NOS1AP: variants seen among roughly 807,000 people sequenced by gnomAD.
The protein encoded by NOS1AP is nitric oxide synthase 1 adaptor protein.
A neutral mutation model predicts 56.2 loss-of-function variants in NOS1AP; 21 were observed. That is an observed-to-expected ratio of 0.37 (90% CI 0.26 to 0.54). NOS1AP has a LOEUF of 0.54. Ranked by LOEUF, NOS1AP falls within the 20% of genes least tolerant of loss-of-function variation. NOS1AP has a pLI of 0.84. For synonymous variants in NOS1AP, 270 were observed against 274.6 expected, an observed-to-expected ratio of 0.98 and a Z score of 0.17; for missense variants, 522 against 657.8, an observed-to-expected ratio of 0.79 and a Z score of 2.26.
intron 2 of NOS1AP, among the ~76,000 whole-genome samples, chr1:162,224,751 C>A (rs1327731205): frequency 6.6e-6 from 1 of 152,154 alleles, no homozygotes; most frequent in Non-Finnish European, 1.5e-5. Context: ...TTAGAGAGGA[C>A]AAGTAGTGCC....
At chr1:162,121,780 A>G (rs1212808337) in intron 1 of NOS1AP, among the ~76,000 whole-genome samples, 1 of 152,196 alleles carries the variant, frequency 6.6e-6, no homozygotes, top group East Asian at 1.9e-4. Flanking sequence ...GGCTTCTCTA[A>G]TTATCTGGAT....
At chr1:162,077,484 A>T (rs999823125) in intron 1 of NOS1AP, among the ~76,000 whole-genome samples, 13 of 152,116 alleles carry the variant, frequency 8.5e-5, no homozygotes, top group African/African-American at 3.1e-4. Context: ...AGAGTTCTTT[A>T]TATATTCTGG....
intron 3 of NOS1AP, among the ~76,000 whole-genome samples, chr1:162,289,864 G>A (rs187745419): frequency 1.0e-3 from 156 of 152,262 alleles, no homozygotes; most frequent in Middle Eastern, 6.8e-3. Flanking sequence ...CTCTGTTGTT[G>A]TCCATCATGG....
At chr1:162,136,532 T>C (rs1649013255) in intron 1 of NOS1AP, among the ~76,000 whole-genome samples, 1 of 152,180 alleles carries the variant, frequency 6.6e-6, no homozygotes, top group Non-Finnish European at 1.5e-5. Flanking sequence ...GAAATGAGAA[T>C]GTAAAATTAG....
At chr1:162,274,405 T>C (rs1188647121) in intron 2 of NOS1AP, among the ~76,000 whole-genome samples, 2 of 152,204 alleles carry the variant, frequency 1.3e-5, no homozygotes, top group East Asian at 3.8e-4. Context: ...GCAGTTTATA[T>C]AGCACCCTCA....
chr1:162,101,585 T>G (rs1235682978), intron 1 of NOS1AP, among the ~76,000 whole-genome samples: 3 of 152,232 alleles, frequency 2.0e-5, no homozygotes, highest in Non-Finnish European at 4.4e-5. Context: ...TGGAATGTTT[T>G]TCCATTTGTT....
intron 1 of NOS1AP, among the ~76,000 whole-genome samples, chr1:162,087,735 T>C (rs1028546642): frequency 1.3e-5 from 2 of 152,274 alleles, no homozygotes; most frequent in Admixed American, 6.5e-5. Flanking sequence ...TTAATGCCCA[T>C]GTACTGGTTG....
intron 2 of NOS1AP, among the ~76,000 whole-genome samples, chr1:162,281,846 C>T (rs1005889222): frequency 5.3e-5 from 8 of 152,148 alleles, no homozygotes; most frequent in African/African-American, 1.7e-4. Context: ...TTAGGCCGGG[C>T]GCGGTGGCTC....
intron 1 of NOS1AP, among the ~76,000 whole-genome samples, chr1:162,148,071 C>T (rs952415670): frequency 6.6e-6 from 1 of 152,098 alleles, no homozygotes; most frequent in African/African-American, 2.4e-5. Context: ...TGGCTTAGGT[C>T]CAATTGAAGT....
In NOS1AP at chr1:162,083,433, G is replaced by T. The variant is rs183798023; in HGVS notation, c.105+13151G>T. Among the ~76,000 whole-genome samples the T allele has an allele frequency of 5.3e-5, 8 of 152,176 alleles. No individual in the cohort carries two copies. In the East Asian group the frequency reaches 1.5e-3, roughly 29 times the overall value. On this transcript the variant is annotated intron_variant, in intron 1 of 9. Transcript: ENST00000361897. ...GGCAATTTTTTTATTTGGAGACAGG[G>T]TCTCACTATATTGCCCAGTCTGGTC...
At chr1:162,283,933 C>T (rs1655012967) in intron 2 of NOS1AP, among the ~76,000 whole-genome samples, 1 of 152,198 alleles carries the variant, frequency 6.6e-6, no homozygotes, top group Admixed American at 6.5e-5. Flanking sequence ...CTGGTCTGAG[C>T]CACAGACGGT....
chr1:162,153,961 G>A lies in NOS1AP; in HGVS notation c.106-444G>A, dbSNP rs72715962. ...AGTGAAATTCCATTAGTTAAAAAAGGTATATATTCTTTTTTTTTTTTTTTT... is the reference window on the plus strand; with the variant it reads ...AGTGAAATTCCATTAGTTAAAAAAGATATATATTCTTTTTTTTTTTTTTTT... On this transcript the variant is annotated intron_variant, in intron 1 of 9. Coordinates refer to ENST00000361897, the MANE Select transcript of NOS1AP (RefSeq NM_014697.3). Among the ~76,000 whole-genome samples, 1,264 of 150,256 alleles carry A rather than the reference G, an allele frequency of 8.4e-3. 8 individuals are homozygous for A. Among genetic ancestry groups the A allele is most frequent in the South Asian group, 0.022 (107 of 4,774 alleles).
At chr1:162,353,028 T>C (rs970245915) in intron 6 of NOS1AP, among the ~76,000 whole-genome samples, 5 of 151,950 alleles carry the variant, frequency 3.3e-5, no homozygotes, top group Admixed American at 3.3e-4. Flanking sequence ...ATCCTGCACA[T>C]ATCCCCACCC....
chr1:162,271,710 C>T (rs1319651555), intron 2 of NOS1AP, among the ~76,000 whole-genome samples: 3 of 152,180 alleles, frequency 2.0e-5, no homozygotes, highest in African/African-American at 7.2e-5. Flanking sequence ...TCTTAGTCAG[C>T]TTGGGCTTCT....
rs778302023 is a variant in NOS1AP at position 162,367,034 on chromosome 1, CT to C, written c.1106-17del. On this transcript the variant is annotated splice_polypyrimidine_tract_variant and intron_variant, in intron 9 of 9. Transcript: ENST00000361897. The surrounding 1 kb of genome is among the most constrained non-coding windows in gnomAD (Gnocchi z 6.5). The stretch of plus-strand genomic sequence containing the variant: ...TTGCCTAACGCTGCCCCTCTGCTAC[CT>C]CTTGTCTCCCCTGCAGTGGGCTCCC... 3.7e-6 allele frequency: 6 copies of C among 1,613,790 alleles called. No homozygotes were observed. In the East Asian group the frequency reaches 1.1e-4, roughly 30 times the overall value.
At chr1:162,196,232 G>A (rs1651802168) in intron 2 of NOS1AP, among the ~76,000 whole-genome samples, 1 of 152,150 alleles carries the variant, frequency 6.6e-6, no homozygotes, top group East Asian at 1.9e-4. Flanking sequence ...CTTCTGGGTT[G>A]GAAGGCAACA....
chr1:162,161,025 A>G (rs187574700), intron 2 of NOS1AP, among the ~76,000 whole-genome samples: 2 of 151,960 alleles, frequency 1.3e-5, no homozygotes, highest in East Asian at 3.9e-4. Context: ...AGTGCTGGCA[A>G]TTTCGTCCCT....
chr1:162,289,465 T>C (rs867643567), intron 3 of NOS1AP, among the ~76,000 whole-genome samples: 7 of 32,398 alleles, frequency 2.2e-4, no homozygotes, highest in Middle Eastern at 0.01. Flanking sequence ...GCCCAGCTAC[T>C]TTTCTTTTTT....
intron 4 of NOS1AP, among the ~76,000 whole-genome samples, chr1:162,309,283 A>G (rs1462505303): frequency 4.0e-5 from 6 of 151,568 alleles, no homozygotes; most frequent in Non-Finnish European, 8.9e-5. Flanking sequence ...TCAAACTACA[A>G]GCAAGGTAAA....
Sources: allele counts gnomAD v4.1 joint callset (sites outside exome capture counted in the v4.1 genomes callset), GRCh38; gene constraint gnomAD v4.1.1; non-coding constraint Gnocchi (gnomAD v3.1); transcripts MANE v1.5; gene names NCBI Gene and HGNC (gene_info 2026-07-23, HGNC 2026-07-21).